HSD17B3: variants seen among roughly 807,000 people sequenced by gnomAD.
HSD17B3 encodes the protein 17-beta-hydroxysteroid dehydrogenase type 3.
Under a neutral mutation model 41.1 loss-of-function variants are expected in HSD17B3, and 29 were observed. The observed-to-expected ratio is 0.71, with a 90% CI of 0.53 to 0.96. The LOEUF (loss-of-function observed/expected upper bound fraction) is 0.96, where lower values mean the gene tolerates loss of function less well. Ranked by LOEUF, HSD17B3 falls within the 40% of genes least tolerant of loss-of-function variation. The pLI is 0.00. For synonymous variants in HSD17B3, 126 were observed against 145.6 expected, an observed-to-expected ratio of 0.87 and a Z score of 0.97; for missense variants, 323 against 374.6, an observed-to-expected ratio of 0.86 and a Z score of 1.14.
intron 10 of HSD17B3, among the ~76,000 whole-genome samples, chr9:96,236,426 A>C (rs1044775260): frequency 3.9e-5 from 6 of 151,922 alleles, no homozygotes; most frequent in Admixed American, 3.9e-4. Flanking sequence ...CTGAGGCAGG[A>C]GAATCACTTG....
intron 2 of HSD17B3, among the ~76,000 whole-genome samples, chr9:96,282,988 CTTTCTTTTTTTTTT>C (rs1826757518): frequency 1.9e-5 from 1 of 54,050 alleles, no homozygotes; most frequent in Non-Finnish European, 4.1e-5. Context: ...CAACAGGTTT[CTTTCTTTTTTTTTT>C]TTTTTTTTTT....
chr9:96,278,088 G>A (rs1826546079), intron 2 of HSD17B3, among the ~76,000 whole-genome samples: 1 of 152,156 alleles, frequency 6.6e-6, no homozygotes, highest in South Asian at 2.1e-4. Flanking sequence ...TGGGGGAGGG[G>A]TAAATGGTGA....
intron 9 of HSD17B3, among the ~76,000 whole-genome samples, chr9:96,241,752 T>C (rs548240261): frequency 2.6e-5 from 4 of 152,052 alleles, no homozygotes; most frequent in African/African-American, 7.2e-5. Context: ...CTGAGCAACA[T>C]GGCAAAACCT....
intron 2 of HSD17B3, among the ~76,000 whole-genome samples, chr9:96,281,484 GT>G (rs1182270045): frequency 6.6e-6 from 1 of 152,116 alleles, no homozygotes; most frequent in Non-Finnish European, 1.5e-5. Context: ...CTAGCCTTGG[GT>G]TAGAGTCCTA....
intron 2 of HSD17B3, among the ~76,000 whole-genome samples, chr9:96,272,403 CTCTA>C (rs1406840230): frequency 2.5e-4 from 7 of 28,134 alleles, no homozygotes; most frequent in African/African-American, 5.2e-4. Context: ...CTCTCTCTCT[CTCTA>C]TATATATATA....
At chr9:96,275,045 C>A (rs1372968901) in intron 2 of HSD17B3, among the ~76,000 whole-genome samples, 1 of 151,834 alleles carries the variant, frequency 6.6e-6, no homozygotes, top group Non-Finnish European at 1.5e-5. Flanking sequence ...TCAGCAGAAA[C>A]CTTGCAGGCA....
At chr9:96,265,631 A>G (rs1279705223) in intron 2 of HSD17B3, among the ~76,000 whole-genome samples, 1 of 152,228 alleles carries the variant, frequency 6.6e-6, no homozygotes, top group Non-Finnish European at 1.5e-5. Context: ...TTAAAGTGAA[A>G]AGAAGAGAGA....
intron 2 of HSD17B3, among the ~76,000 whole-genome samples, chr9:96,260,442 A>C (rs770394159): frequency 2.0e-5 from 3 of 152,178 alleles, no homozygotes; most frequent in Non-Finnish European, 2.9e-5. Context: ...TAAGCTTTCA[A>C]ATTGTCCTTA....
intron 2 of HSD17B3, among the ~76,000 whole-genome samples, chr9:96,280,876 A>G (rs1301558830): frequency 6.6e-6 from 1 of 152,150 alleles, no homozygotes; most frequent in Non-Finnish European, 1.5e-5. Flanking sequence ...CACTCCCACC[A>G]GCGCCGTGAC....
At chr9:96,244,722 G>A (rs1039176264) in intron 8 of HSD17B3, among the ~76,000 whole-genome samples, 6 of 151,838 alleles carry the variant, frequency 4.0e-5, no homozygotes, top group Admixed American at 6.6e-5. Flanking sequence ...TGACTTGATC[G>A]TTTCACAACA....
At chr9:96,268,875 G>C (rs1234531372) in intron 2 of HSD17B3, among the ~76,000 whole-genome samples, 3 of 152,156 alleles carry the variant, frequency 2.0e-5, no homozygotes, top group African/African-American at 7.2e-5. Context: ...CTTGAACCCA[G>C]GAGGCAGAGG....
At chr9:96,285,987 T>C (rs1452762518) in intron 2 of HSD17B3, among the ~76,000 whole-genome samples, 1 of 152,166 alleles carries the variant, frequency 6.6e-6, no homozygotes, top group African/African-American at 2.4e-5. Context: ...GGTTAAGGCA[T>C]TCTAAGTCAC....
At chr9:96,301,123 A>T (rs1433823028) in intron 1 of HSD17B3, among the ~76,000 whole-genome samples, 1 of 152,212 alleles carries the variant, frequency 6.6e-6, no homozygotes, top group Non-Finnish European at 1.5e-5. Context: ...AGGGCTGGGT[A>T]GCCTTCTGCC....
At chr9:96,276,044 T>C (rs531147868) in intron 2 of HSD17B3, among the ~76,000 whole-genome samples, 1 of 138,100 alleles carries the variant, frequency 7.2e-6, no homozygotes, top group Non-Finnish European at 1.5e-5. Context: ...AAGTCAAGGC[T>C]GCAGTGAGTC....
At chr9:96,260,742 C>T (rs1026372011) in intron 2 of HSD17B3, among the ~76,000 whole-genome samples, 16 of 151,986 alleles carry the variant, frequency 1.1e-4, no homozygotes, top group Non-Finnish European at 1.5e-4. Context: ...TCCAGCCTGG[C>T]GACAGAGTGA....
chr9:96,243,284 G>A (rs1430878634), intron 9 of HSD17B3, among the ~76,000 whole-genome samples: 1 of 152,222 alleles, frequency 6.6e-6, no homozygotes. Flanking sequence ...ACCCCAGCAT[G>A]GAAGCAGGAC....
rs753559084 is a variant in HSD17B3, at chr9:96,246,544, A to G, written c.524+12T>C. 2 of 1,613,920 alleles carry G rather than the reference A, an allele frequency of 1.2e-6. No individual in the cohort carries two copies. The highest frequency in any genetic ancestry group is 1.7e-5 in the Admixed American group (1 of 60,024). On this transcript the variant is annotated intron_variant, in intron 7 of 10. Coordinates refer to ENST00000375263, the MANE Select transcript of HSD17B3 (RefSeq NM_000197.2). ...GCCATGTTGCTCCACACTTTTTTGA[A>G]GAAGGCCTTACCTTGATTCCATATG...
chr9:96,259,640 G>C (rs754010445), intron 2 of HSD17B3, among the ~76,000 whole-genome samples: 5 of 151,862 alleles, frequency 3.3e-5, no homozygotes, highest in Non-Finnish European at 5.9e-5. Flanking sequence ...AGAATTACTT[G>C]AACCCAGGAG....
chr9:96,298,490 G>T, intron 1 of HSD17B3, 28 bp from the exon 2 acceptor site: 1 of 1,600,520 alleles, frequency 6.2e-7, no homozygotes, highest in Non-Finnish European at 8.6e-7. Flanking sequence ...GCTTTTAAAA[G>T]ACAGAATTCA....
Sources: gnomAD v4.1 joint callset for allele counts (sites outside exome capture counted in the v4.1 genomes callset) on GRCh38, gnomAD v4.1.1 for gene constraint, MANE v1.5 for transcripts, NCBI Gene and HGNC (gene_info 2026-07-23, HGNC 2026-07-21) for gene names.